The following WWOX variants were observed in gnomAD, a reference collection of about 807,000 sequenced individuals.
WWOX encodes WW domain-containing oxidoreductase.
Under a neutral mutation model 46.2 loss-of-function variants are expected in WWOX, and 69 were observed. The ratio of observed to expected loss-of-function variants is 1.49; its 90% CI spans 1.23 to 1.82. The LOEUF is 1.82. Ranked by LOEUF, WWOX falls within the 40% of genes most tolerant of loss-of-function variation. WWOX has a pLI of 0.00. For synonymous variants in WWOX, 359 were observed against 202.6 expected (o/e 1.77, Z -6.56); for missense variants, 919 against 542.6 (o/e 1.69, Z -6.89).
chr16:78,496,312 A>G (rs2084917364), intron 8 of WWOX: 1 of 152,216 alleles, frequency 6.6e-6, no homozygotes, highest in Non-Finnish European at 1.5e-5. Context: ...GTCATCACTG[A>G]TGTTCTGCCT....
chr16:78,773,522 G>A (rs1359389191), intron 8 of WWOX, among the ~76,000 whole-genome samples: 1 of 152,236 alleles, frequency 6.6e-6, no homozygotes, highest in African/African-American at 2.4e-5. Context: ...GGAGGATGCT[G>A]TGTTGATGGG....
intron 8 of WWOX, among the ~76,000 whole-genome samples, chr16:78,539,895 A>C (rs2941947): frequency 0.55 from 82,879 of 151,632 alleles, 25,378 homozygotes; most frequent in Admixed American, 0.69. Flanking sequence ...AGATAGGATC[A>C]GATCCAGTAC....
intron 4 of WWOX, among the ~76,000 whole-genome samples, chr16:78,151,976 G>GT (rs2034424803): frequency 6.6e-6 from 1 of 152,160 alleles, no homozygotes; most frequent in Admixed American, 6.5e-5. Context: ...AGATCACGAG[G>GT]TCAGGAGATG....
intron 8 of WWOX, among the ~76,000 whole-genome samples, chr16:78,659,135 C>G (rs1403300402): frequency 5.9e-5 from 9 of 151,628 alleles, no homozygotes; most frequent in African/African-American, 1.7e-4. Context: ...AAAACACATG[C>G]TGGTGCACAC....
intron 8 of WWOX, among the ~76,000 whole-genome samples, chr16:78,998,597 A>T (rs189835806): frequency 6.6e-6 from 1 of 152,218 alleles, no homozygotes; most frequent in East Asian, 1.9e-4. Context: ...TTAAGACTCA[A>T]TTTCTTAGTA....
At chr16:78,684,568 A>G (rs574714110) in intron 8 of WWOX, among the ~76,000 whole-genome samples, 6 of 152,266 alleles carry the variant, frequency 3.9e-5, no homozygotes, top group Admixed American at 3.9e-4. Context: ...TGTGCCTCAC[A>G]GCTGCAACAT....
intron 8 of WWOX, among the ~76,000 whole-genome samples, chr16:78,817,357 T>C (rs2051361664): frequency 6.6e-6 from 1 of 152,082 alleles, no homozygotes; most frequent in African/African-American, 2.4e-5. Context: ...CCAGAAGGCA[T>C]TTCTCCTATT....
intron 8 of WWOX, among the ~76,000 whole-genome samples, chr16:78,859,050 GTATATATATATATATA>G (rs1163926433): frequency 2.4e-5 from 1 of 40,840 alleles, no homozygotes; most frequent in African/African-American, 1.1e-4. Context: ...ATATATATAT[GTATATATATATATATA>G]TATATATGAA....
chr16:78,734,229 G>A (rs569371810), intron 8 of WWOX, among the ~76,000 whole-genome samples: 6 of 152,064 alleles, frequency 3.9e-5, no homozygotes, highest in East Asian at 1.9e-4. Context: ...ACATCAAAAT[G>A]AGACTCTTGG....
intron 8 of WWOX, among the ~76,000 whole-genome samples, chr16:78,438,352 C>T (rs72797990): frequency 0.017 from 2,548 of 152,196 alleles, 28 homozygotes; most frequent in Non-Finnish European, 0.023. Context: ...GTCCAATGCA[C>T]GGTAATGCCC....
At chr16:78,417,194 T>C (rs576629267) in intron 6 of WWOX, among the ~76,000 whole-genome samples, 1 of 152,286 alleles carries the variant, frequency 6.6e-6, no homozygotes, top group South Asian at 2.1e-4. Context: ...CACCTCAGCT[T>C]CCCAAGTAGC....
At chr16:78,282,931 C>G (rs1219994843) in intron 5 of WWOX, among the ~76,000 whole-genome samples, 13 of 149,396 alleles carry the variant, frequency 8.7e-5, no homozygotes, top group Admixed American at 8.0e-4. Flanking sequence ...AAGGATGTGG[C>G]TTAGCTGAAG....
chr16:78,406,454 G>A (rs1432652963), intron 6 of WWOX, among the ~76,000 whole-genome samples: 1 of 149,336 alleles, frequency 6.7e-6, no homozygotes, highest in East Asian at 2.0e-4. Flanking sequence ...CCGGGTTCAA[G>A]CGATTCCCCT....
At chr16:79,145,340 C>T (rs1320114129) in intron 8 of WWOX, among the ~76,000 whole-genome samples, 3 of 152,084 alleles carry the variant, frequency 2.0e-5, no homozygotes, top group Non-Finnish European at 4.4e-5. Context: ...GAAAGGAAAA[C>T]ACTTTCAGTA....
chr16:78,561,465 A>G (rs1262752476), intron 8 of WWOX, among the ~76,000 whole-genome samples: 1 of 152,172 alleles, frequency 6.6e-6, no homozygotes, highest in African/African-American at 2.4e-5. Context: ...ACACTGGCAA[A>G]ATCCCTTCAT....
chr16:78,180,822 G>T (rs962669293), intron 5 of WWOX, among the ~76,000 whole-genome samples: 84 of 152,278 alleles, frequency 5.5e-4, no homozygotes, highest in African/African-American at 1.9e-3. Context: ...CAGAGCAGGT[G>T]TATACATGAG....
chr16:78,432,840 C>A lies in WWOX; in HGVS notation c.1056+88C>A. On this transcript the variant is annotated intron_variant, in intron 8 of 8. Transcript: ENST00000566780. ...TCTCCACCTTTTTACCTCTTGCGGG[C>A]ATGAGTCTGGTCTCAGTAATAACAT... 4.4e-6 allele frequency: 7 copies of A among 1,591,672 alleles called. No homozygotes were observed. The South Asian group carries it at 7.8e-5, about 18-fold the overall frequency.
At position 78,247,934 on chromosome 16, in the gene WWOX, A is replaced by G. The variant is rs187913057; in HGVS notation, c.516+83645A>G. On this transcript the variant is annotated intron_variant, in intron 5 of 8. Coordinates refer to ENST00000566780, the MANE Select transcript of WWOX (RefSeq NM_016373.4). Reference sequence around the variant, plus strand: ...CTGTAAAGTGGGGATTGAAGCACATATCTTGCAAGGCTTGGGCATTGATTG... The same window carrying G: ...CTGTAAAGTGGGGATTGAAGCACATGTCTTGCAAGGCTTGGGCATTGATTG... Among the ~76,000 whole-genome samples the G allele has an allele frequency of 1.1e-4, 16 of 152,320 alleles. No individual in the cohort carries two copies. In the East Asian group the frequency reaches 3.1e-3, roughly 29 times the overall value.
chr16:78,783,910 G>T (rs1489105868), intron 8 of WWOX, among the ~76,000 whole-genome samples: 1 of 151,882 alleles, frequency 6.6e-6, no homozygotes, highest in Admixed American at 6.6e-5. Context: ...TGACGATGGT[G>T]ATGATGATGT....
Sources: gnomAD v4.1 joint callset for allele counts (sites outside exome capture counted in the v4.1 genomes callset) on GRCh38, gnomAD v4.1.1 for gene constraint, MANE v1.5 for transcripts, NCBI Gene and HGNC (gene_info 2026-07-23, HGNC 2026-07-21) for gene names.